SULF2: variants seen among roughly 807,000 people sequenced by gnomAD.
SULF2 encodes sulfatase 2.
SULF2 carries 52 observed loss-of-function variants against 107.7 expected under a neutral mutation model. The observed-to-expected ratio is 0.48, with a 90% CI of 0.39 to 0.61. The LOEUF (loss-of-function observed/expected upper bound fraction) is 0.61. Ranked by LOEUF, SULF2 falls within the 20% of genes least tolerant of loss-of-function variation. The probability of loss-of-function intolerance (pLI) is 0.00; values close to 1 mark genes in which losing one functional copy is unlikely to be tolerated. For synonymous variants in SULF2, 460 were observed against 464.3 expected (o/e 0.99, Z 0.12); for missense variants, 993 against 1,177.3 (o/e 0.84, Z 2.29).
Position 47,665,923 on chromosome 20 carries a change from C to A in SULF2, c.1836G>T (p.Gln612His), listed in dbSNP as rs368502016. 4 of 1,614,126 alleles carry A rather than the reference C, an allele frequency of 2.5e-6. No individual in the cohort carries two copies. Among genetic ancestry groups the A allele is most frequent in the Admixed American group, 3.3e-5 (2 of 60,018 alleles). Residue 612 changes from glutamine to histidine, a missense_variant, in exon 13 of 21, where the codon CAG becomes CAT. Around this residue, in one of 3 missense-constraint regions of SULF2, gnomAD observed 497 missense variants for 544.1 expected, o/e 0.91. Coordinates refer to ENST00000688720, the MANE Select transcript of SULF2 (RefSeq NM_001387048.1). ...RCYILENDTV[Q>H]CDLDLYKSLQ... ...GGGACTTGTACAGGTCCAGGTCACACTGGACTGTGTCGTTCTCTAGGATGT... is the reference window on the plus strand; with the variant it reads ...GGGACTTGTACAGGTCCAGGTCACAATGGACTGTGTCGTTCTCTAGGATGT...
chr20:47,666,798 G>A lies in SULF2; in HGVS notation c.1577-310C>T, dbSNP rs1453098950. Among the ~76,000 whole-genome samples, 1 of 152,230 alleles carries A rather than the reference G, an allele frequency of 6.6e-6. No homozygotes were observed. The highest frequency in any genetic ancestry group is 1.5e-5 in the Non-Finnish European group (1 of 68,038). ...ACATCATCTGTACAACGGAATATGC[G>A]ACCAGAACCAGGAGCGAGGTTCTGA... is the stretch of plus-strand genomic sequence containing the variant. On this transcript the variant is annotated intron_variant, in intron 11 of 20. Transcript: ENST00000688720. This position sits in a 1 kb window ranked among gnomAD's most constrained non-coding sequence, Gnocchi z 5.4.
chr20:47,711,512 C>T (rs553874094), intron 3 of SULF2, among the ~76,000 whole-genome samples: 92 of 152,346 alleles, frequency 6.0e-4, no homozygotes, highest in Non-Finnish European at 9.8e-4. Flanking sequence ...TTCTCTCCCC[C>T]ACGACGGGCC....
rs2088307616 is a variant in SULF2 at position 47,694,446 on chromosome 20, T to C, written c.568-4151A>G. ...CGGGTCAAGCCATGAGGAAGAACTC[T>C]GAAATTCAGACCTGTGAGCAGGAGG... is the stretch of plus-strand genomic sequence containing the variant. On this transcript the variant is annotated intron_variant, in intron 4 of 20. Coordinates refer to ENST00000688720, the MANE Select transcript of SULF2 (RefSeq NM_001387048.1). The surrounding 1 kb of genome is among the most constrained non-coding windows in gnomAD (Gnocchi z 4.4). Among the ~76,000 whole-genome samples, 1 of 152,194 alleles carries C rather than the reference T, an allele frequency of 6.6e-6. No homozygotes were observed. Among genetic ancestry groups the C allele is most frequent in the Non-Finnish European group, 1.5e-5 (1 of 68,018 alleles).
chr20:47,689,049 G>C (rs2088109667), intron 5 of SULF2, among the ~76,000 whole-genome samples: 1 of 152,200 alleles, frequency 6.6e-6, no homozygotes. Flanking sequence ...GAGTACTACA[G>C]GGGTGGGCAG....
chr20:47,713,312 C>A (rs6094791), intron 3 of SULF2, among the ~76,000 whole-genome samples: 28,024 of 151,970 alleles, frequency 0.18, 2,728 homozygotes, highest in Admixed American at 0.22. Context: ...ATGCTGCTGA[C>A]CATCTTCCAG....
At chr20:47,663,281 T>C (rs940238275) in intron 16 of SULF2, 69 bp from the exon 17 acceptor site, 1 of 1,603,110 alleles carries the variant, frequency 6.2e-7, no homozygotes, top group Non-Finnish European at 8.5e-7. Flanking sequence ...CAGTGATTCC[T>C]GTCAGGGACA....
At chr20:47,702,979 G>A (rs1263159787) in intron 3 of SULF2, among the ~76,000 whole-genome samples, 1 of 152,158 alleles carries the variant, frequency 6.6e-6, no homozygotes, top group Non-Finnish European at 1.5e-5. Context: ...GCAATGGTAC[G>A]ATCTTGGCTC....
At chr20:47,753,018 G>A (rs1039822459) in intron 2 of SULF2, among the ~76,000 whole-genome samples, 32 of 146,796 alleles carry the variant, frequency 2.2e-4, no homozygotes, top group African/African-American at 6.6e-4. Flanking sequence ...GGAGAATCAC[G>A]TGAACCCAGG....
At chr20:47,691,073 T>C (rs2088182251) in intron 4 of SULF2, among the ~76,000 whole-genome samples, 2 of 152,142 alleles carry the variant, frequency 1.3e-5, no homozygotes, top group African/African-American at 4.8e-5. Context: ...GGCACACAGC[T>C]AGTAAATGTT....
Position 47,677,091 on chromosome 20 carries a change from A to G in SULF2, c.1237T>C (p.Leu413=). 1 of 1,613,806 alleles carries G rather than the reference A, an allele frequency of 6.2e-7. No homozygotes were observed. The highest frequency in any genetic ancestry group is 8.5e-7 in the Non-Finnish European group (1 of 1,179,966). The change falls in exon 9 of 21, where the codon TTG becomes CTG. Residue 413 remains leucine, a synonymous_variant. Transcript: ENST00000688720. ...KKMRVWRDSF[L]VERGKLLHKR... Reference sequence around the variant, plus strand: ...CCCGGCACTCACCCTCTCTCCACCAAGAAGGAGTCCCGCCAGACCCTCATC... The same window carrying G: ...CCCGGCACTCACCCTCTCTCCACCAGGAAGGAGTCCCGCCAGACCCTCATC...
chr20:47,757,747 T>C (rs1020085107), intron 1 of SULF2, among the ~76,000 whole-genome samples: 1 of 151,332 alleles, frequency 6.6e-6, no homozygotes, highest in Non-Finnish European at 1.5e-5. Context: ...AAGACCCGAG[T>C]CAGATAACAG....
chr20:47,662,713 G>A (rs540244887), intron 17 of SULF2, among the ~76,000 whole-genome samples: 9 of 152,204 alleles, frequency 5.9e-5, no homozygotes, highest in African/African-American at 9.7e-5. Flanking sequence ...TTAGCTGCGC[G>A]GTCCGTGTAG....
At chr20:47,684,672 C>G in intron 5 of SULF2, 91 bp from the exon 6 acceptor site, 2 of 1,386,432 alleles carry the variant, frequency 1.4e-6, no homozygotes, top group Middle Eastern at 3.7e-4. Context: ...GAGCAGCCAC[C>G]CTGTGCTGTG....
intron 1 of SULF2, among the ~76,000 whole-genome samples, chr20:47,778,778 A>G (rs1027018534): frequency 6.6e-6 from 1 of 152,216 alleles, no homozygotes; most frequent in African/African-American, 2.4e-5. Flanking sequence ...CAGAGAGGTG[A>G]GCATGTGGGA....
At chr20:47,664,090 G>T (rs1342102566) in intron 15 of SULF2, 40 bp downstream of exon 15, 4 of 1,590,926 alleles carry the variant, frequency 2.5e-6, no homozygotes, top group Non-Finnish European at 2.6e-6. Context: ...CCTCATGCAG[G>T]CCTCTGCATC....
chr20:47,682,908 G>C, intron 7 of SULF2, 86 bp downstream of exon 7: 4 of 1,363,328 alleles, frequency 2.9e-6, no homozygotes, highest in Non-Finnish European at 3.0e-6. Flanking sequence ...GTGCCACCCA[G>C]GGTGGGCTTG....
intron 2 of SULF2, among the ~76,000 whole-genome samples, chr20:47,755,256 T>C (rs1015483311): frequency 3.9e-5 from 6 of 152,242 alleles, no homozygotes; most frequent in African/African-American, 1.4e-4. Flanking sequence ...CGGCTTTCTT[T>C]GTTCCCCTCT....
chr20:47,719,006 G>A (rs946437479), intron 3 of SULF2, among the ~76,000 whole-genome samples: 1 of 152,176 alleles, frequency 6.6e-6, no homozygotes, highest in African/African-American at 2.4e-5. Flanking sequence ...GTATGTATTT[G>A]TTTATTTTCA....
At chr20:47,777,455 A>C (rs111279386) in intron 1 of SULF2, among the ~76,000 whole-genome samples, 2,621 of 152,310 alleles carry the variant, frequency 0.017, 36 homozygotes, top group Non-Finnish European at 0.026. Context: ...AACAAGGCCA[A>C]AGACATGATG....
Sources: gnomAD v4.1 joint callset for allele counts (sites outside exome capture counted in the v4.1 genomes callset) on GRCh38, gnomAD v4.1.1 for gene constraint, gnomAD v4.1.1 regional missense constraint, Gnocchi (gnomAD v3.1) non-coding constraint, MANE v1.5 for transcripts, NCBI Gene and HGNC (gene_info 2026-07-23, HGNC 2026-07-21) for gene names.